Variants in LRP1B observed in about 807,000 individuals in gnomAD.
The protein encoded by LRP1B is LDL receptor related protein 1B, also known as low-density lipoprotein receptor-related protein 1B.
Under a neutral mutation model 556.6 loss-of-function variants are expected in LRP1B, and 217 were observed. The observed-to-expected ratio is 0.39, with a 90% CI of 0.35 to 0.44. LRP1B has a LOEUF of 0.44. Ranked by LOEUF, LRP1B falls within the 20% of genes least tolerant of loss-of-function variation. The probability of loss-of-function intolerance (pLI) is 1.00; values close to 1 mark genes in which losing one functional copy is unlikely to be tolerated. For synonymous variants in LRP1B, 2,047 were observed against 1,865.8 expected (o/e 1.10, Z -2.50); for missense variants, 5,053 against 5,620.8 (o/e 0.90, Z 3.23).
chr2:141,270,686 A>G (rs1685056753), intron 3 of LRP1B, among the ~76,000 whole-genome samples: 1 of 152,132 alleles, frequency 6.6e-6, no homozygotes, highest in Non-Finnish European at 1.5e-5. Flanking sequence ...AGCTGTCCAC[A>G]GAAGAACACA....
intron 1 of LRP1B, among the ~76,000 whole-genome samples, chr2:141,854,327 G>GT (rs1375401955): frequency 6.6e-6 from 1 of 151,940 alleles, no homozygotes; most frequent in Non-Finnish European, 1.5e-5. Flanking sequence ...TCAATTTTGT[G>GT]TAACAAAAGC....
intron 2 of LRP1B, among the ~76,000 whole-genome samples, chr2:141,786,407 G>A (rs80352773): frequency 0.011 from 1,620 of 151,944 alleles, 36 homozygotes; most frequent in African/African-American, 0.038. Flanking sequence ...TGTTCCAATA[G>A]AGAAGGCTAG....
At chr2:141,017,652 T>C (rs1466086756) in intron 12 of LRP1B, among the ~76,000 whole-genome samples, 1 of 151,524 alleles carries the variant, frequency 6.6e-6, no homozygotes, top group African/African-American at 2.4e-5. Flanking sequence ...TACATATATA[T>C]ATATGTATAT....
chr2:140,313,758 G>A (rs1684404088), intron 83 of LRP1B, among the ~76,000 whole-genome samples: 1 of 151,814 alleles, frequency 6.6e-6, no homozygotes, highest in African/African-American at 2.4e-5. Flanking sequence ...AAAGGACACA[G>A]TACTACAATT....
intron 83 of LRP1B, among the ~76,000 whole-genome samples, chr2:140,302,017 A>C (rs1311846211): frequency 6.6e-6 from 1 of 151,848 alleles, no homozygotes; most frequent in East Asian, 1.9e-4. Context: ...TCTTCTTCAA[A>C]TTTTCTCTTT....
chr2:140,560,344 G>T (rs1305374029), intron 43 of LRP1B, among the ~76,000 whole-genome samples: 1 of 152,070 alleles, frequency 6.6e-6, no homozygotes, highest in Non-Finnish European at 1.5e-5. Flanking sequence ...TACAGTTGCA[G>T]AAATTTGAAA....
intron 2 of LRP1B, among the ~76,000 whole-genome samples, chr2:141,799,195 T>A (rs1279340853): frequency 6.6e-6 from 1 of 152,276 alleles, no homozygotes; most frequent in East Asian, 1.9e-4. Flanking sequence ...CCCTCACCCT[T>A]GTCTAACCCT....
chr2:141,744,262 A>G (rs1030501535), intron 2 of LRP1B, among the ~76,000 whole-genome samples: 2 of 152,090 alleles, frequency 1.3e-5, no homozygotes, highest in African/African-American at 4.8e-5. Context: ...TCAGGAGCAT[A>G]CTGTTTAACT....
rs1364248949 is a variant in LRP1B at position 141,822,128 on chromosome 2, C to CAGAGAGAG, written c.83-11728_83-11727insCTCTCTCT. ...ACACACACACACACACACACACACA[C>CAGAGAGAG]ACAGAGAGAGAGAGAGAGAGAGAGA... is the stretch of plus-strand genomic sequence containing the variant. On this transcript the variant is annotated intron_variant, in intron 1 of 90. Coordinates refer to ENST00000389484, the MANE Select transcript of LRP1B (RefSeq NM_018557.3). Among the ~76,000 whole-genome samples, 15 of 117,168 alleles carry CAGAGAGAG rather than the reference C, an allele frequency of 1.3e-4. No individual in the cohort carries two copies. The South Asian group carries it at 1.5e-3, about 12-fold the overall frequency. The allele number at this position is 117,168 out of a possible 152,430, so 76.9% of individuals were successfully genotyped here. A position where few individuals can be genotyped will look rare whatever the true frequency, so the allele number is the denominator to read the frequency against.
chr2:141,765,342 A>T (rs1405786465), intron 2 of LRP1B, among the ~76,000 whole-genome samples: 1 of 152,232 alleles, frequency 6.6e-6, no homozygotes, highest in Non-Finnish European at 1.5e-5. Context: ...AGGTATTAAC[A>T]TTGTTTTAGA....
intron 27 of LRP1B, among the ~76,000 whole-genome samples, chr2:140,855,896 G>A (rs1377901912): frequency 6.6e-6 from 1 of 152,016 alleles, no homozygotes; most frequent in African/African-American, 2.4e-5. Flanking sequence ...TTACTCCAAA[G>A]CATTTTTTTA....
At chr2:141,985,510 T>C (rs1702161288) in intron 1 of LRP1B, among the ~76,000 whole-genome samples, 1 of 140,330 alleles carries the variant, frequency 7.1e-6, no homozygotes, top group Admixed American at 6.9e-5. Context: ...AGAATTTTTA[T>C]TTTTTTGGGG....
chr2:141,618,701 G>A (rs1161032953), intron 2 of LRP1B, among the ~76,000 whole-genome samples: 1 of 152,118 alleles, frequency 6.6e-6, no homozygotes, highest in African/African-American at 2.4e-5. Context: ...AGGATATTGT[G>A]CCGGATATGT....
intron 32 of LRP1B, among the ~76,000 whole-genome samples, chr2:140,790,963 T>G (rs1227763126): frequency 6.7e-6 from 1 of 149,874 alleles, no homozygotes; most frequent in Admixed American, 6.7e-5. Context: ...TTTTTTTAAT[T>G]ATCTGGGCTT....
intron 1 of LRP1B, among the ~76,000 whole-genome samples, chr2:142,089,797 T>A (rs1229473467): frequency 1.3e-5 from 2 of 152,130 alleles, no homozygotes; most frequent in African/African-American, 4.8e-5. Flanking sequence ...ATAATGAAAA[T>A]TGCAAAGTTT....
chr2:140,926,689 G>C (rs1014669855), intron 20 of LRP1B, among the ~76,000 whole-genome samples: 2 of 152,054 alleles, frequency 1.3e-5, no homozygotes, highest in Non-Finnish European at 2.9e-5. Context: ...AAAATACCTA[G>C]GATTGGGTCT....
chr2:141,643,209 C>T (rs1357754231), intron 2 of LRP1B, among the ~76,000 whole-genome samples: 1 of 152,094 alleles, frequency 6.6e-6, no homozygotes. Context: ...CAATGGCATG[C>T]CTAGAAGACT....
intron 32 of LRP1B, among the ~76,000 whole-genome samples, chr2:140,786,605 GA>G (rs372952976): frequency 5.5e-4 from 83 of 151,728 alleles, no homozygotes; most frequent in African/African-American, 1.9e-3. Context: ...CTTTTCCTAA[GA>G]TTTTTTTTTC....
intron 32 of LRP1B, among the ~76,000 whole-genome samples, chr2:140,791,348 G>C (rs1573723739): frequency 6.6e-6 from 1 of 152,094 alleles, no homozygotes; most frequent in East Asian, 1.9e-4. Flanking sequence ...AGAATCACCT[G>C]AGCCCAGGGT....
Sources: allele counts gnomAD v4.1 joint callset (sites outside exome capture counted in the v4.1 genomes callset), GRCh38; gene constraint gnomAD v4.1.1; transcripts MANE v1.5; gene names NCBI Gene and HGNC (gene_info 2026-07-23, HGNC 2026-07-21).